The following RBFOX1 variants were observed in gnomAD, a reference collection of about 807,000 sequenced individuals.
RBFOX1 encodes the protein RNA binding protein fox-1 homolog 1.
RBFOX1 carries 8 observed loss-of-function variants against 57.7 expected under a neutral mutation model. The ratio of observed to expected loss-of-function variants is 0.14; its 90% confidence interval spans 0.08 to 0.25. RBFOX1 has a LOEUF of 0.25. Ranked by LOEUF, RBFOX1 falls within the 10% of genes least tolerant of loss-of-function variation. The pLI is 1.00. For missense variants in RBFOX1, 611 were observed against 548.5 expected (o/e 1.11, Z -1.14); for synonymous variants, 326 against 222.4 (o/e 1.47, Z -4.15).
rs2095529156 is a variant in RBFOX1 at position 7,280,950 on chromosome 16, TACCTACC to T, written c.27+228853_27+228859del. Among the ~76,000 whole-genome samples the T allele has an allele frequency of 5.9e-3, 696 of 117,606 alleles. 19 individuals carry two copies. The highest frequency in any genetic ancestry group is 0.02 in the African/African-American group (595 of 29,444). The allele number at this position is 117,606 out of a possible 152,430, so 77.2% of individuals were successfully genotyped here. On this transcript the variant is annotated intron_variant, in intron 4 of 15. Coordinates refer to ENST00000550418, the MANE Select transcript of RBFOX1 (RefSeq NM_018723.4). ...CTTGAATCAATTGCATGTGATTCCC[TACCTACC>T]TCCCTCCCTCCCTCCCTCCCTCCCT...
intron 2 of RBFOX1, among the ~76,000 whole-genome samples, chr16:6,385,890 CA>C (rs1251609108): frequency 6.6e-6 from 1 of 151,716 alleles, no homozygotes; most frequent in African/African-American, 2.4e-5. Flanking sequence ...ACAGCTTCCC[CA>C]ACATTAGTGT....
chr16:7,069,155 G>A (rs1165069578), intron 4 of RBFOX1, among the ~76,000 whole-genome samples: 2 of 72,562 alleles, frequency 2.8e-5, no homozygotes, highest in African/African-American at 7.6e-5. Flanking sequence ...AAACACCTAT[G>A]AACCTATATA....
At chr16:6,401,655 G>A (rs1016002891) in intron 2 of RBFOX1, among the ~76,000 whole-genome samples, 4 of 152,150 alleles carry the variant, frequency 2.6e-5, no homozygotes, top group Non-Finnish European at 5.9e-5. Flanking sequence ...CAAATCCCTT[G>A]TATAATGGAA....
intron 4 of RBFOX1, among the ~76,000 whole-genome samples, chr16:7,136,097 C>A (rs1324563079): frequency 6.6e-6 from 1 of 152,106 alleles, no homozygotes; most frequent in Non-Finnish European, 1.5e-5. Flanking sequence ...ACCTTGCAGG[C>A]AAGAATGTCA....
At chr16:7,512,177 G>C (rs563570816) in intron 4 of RBFOX1, among the ~76,000 whole-genome samples, 5 of 152,196 alleles carry the variant, frequency 3.3e-5, no homozygotes, top group African/African-American at 9.6e-5. Context: ...TGTCTAGCCA[G>C]AATGCTCCAA....
chr16:5,739,607 G>C (rs1413410351), intron 3 of RBFOX1, among the ~76,000 whole-genome samples: 1 of 152,174 alleles, frequency 6.6e-6, no homozygotes, highest in Non-Finnish European at 1.5e-5. Context: ...GAAAATTGAG[G>C]TATTTTGCAG....
intron 4 of RBFOX1, among the ~76,000 whole-genome samples, chr16:7,456,819 C>G (rs543926749): frequency 6.6e-6 from 1 of 152,138 alleles, no homozygotes; most frequent in African/African-American, 2.4e-5. Context: ...AAGCCCTGAG[C>G]CCTGGAGCAG....
At chr16:7,443,253 G>C (rs994614305) in intron 4 of RBFOX1, among the ~76,000 whole-genome samples, 1 of 151,788 alleles carries the variant, frequency 6.6e-6, no homozygotes, top group Non-Finnish European at 1.5e-5. Flanking sequence ...TCTCCAGTTT[G>C]ATTCATATAC....
chr16:6,228,012 A>G (rs1371573743), intron 1 of RBFOX1, among the ~76,000 whole-genome samples: 2 of 152,186 alleles, frequency 1.3e-5, no homozygotes, highest in Non-Finnish European at 2.9e-5. Flanking sequence ...AGCACTATTC[A>G]AACTAGCCAG....
intron 2 of RBFOX1, among the ~76,000 whole-genome samples, chr16:6,388,494 A>G (rs1262785382): frequency 6.6e-6 from 1 of 152,128 alleles, no homozygotes; most frequent in Non-Finnish European, 1.5e-5. Context: ...ATTTTTAATT[A>G]ATTTGTCTTT....
chr16:7,042,664 G>A (rs375138081), intron 3 of RBFOX1, among the ~76,000 whole-genome samples: 3 of 152,196 alleles, frequency 2.0e-5, no homozygotes, highest in African/African-American at 4.8e-5. Flanking sequence ...AGTGGCTTGC[G>A]CCTGTAATGC....
At chr16:6,179,322 G>C (rs537023123) in intron 1 of RBFOX1, among the ~76,000 whole-genome samples, 1 of 152,162 alleles carries the variant, frequency 6.6e-6, no homozygotes, top group South Asian at 2.1e-4. Flanking sequence ...TAGAAGGCTG[G>C]ATCTCAGTTC....
chr16:5,553,722 CAT>C (rs1567223609), intron 2 of RBFOX1, among the ~76,000 whole-genome samples: 3 of 82,126 alleles, frequency 3.7e-5, no homozygotes, highest in African/African-American at 9.6e-5. Context: ...TGTATATACA[CAT>C]ATATATGTAT....
chr16:6,637,978 C>G (rs1330064751), intron 2 of RBFOX1, among the ~76,000 whole-genome samples: 4 of 151,990 alleles, frequency 2.6e-5, no homozygotes, highest in Non-Finnish European at 5.9e-5. Context: ...TTTTCAACAC[C>G]CAACATTTAG....
chr16:7,030,493 C>T (rs1293175564), intron 3 of RBFOX1, among the ~76,000 whole-genome samples: 1 of 152,144 alleles, frequency 6.6e-6, no homozygotes, highest in Non-Finnish European at 1.5e-5. Flanking sequence ...CTTCTCCCAC[C>T]TTCCAGTGGC....
At chr16:6,524,113 C>G (rs939454546) in intron 2 of RBFOX1, among the ~76,000 whole-genome samples, 3 of 152,100 alleles carry the variant, frequency 2.0e-5, no homozygotes, top group Non-Finnish European at 2.9e-5. Context: ...ATTTCATGTA[C>G]CCATTAACCA....
At chr16:6,862,101 G>A (rs911923503) in intron 3 of RBFOX1, among the ~76,000 whole-genome samples, 1 of 152,094 alleles carries the variant, frequency 6.6e-6, no homozygotes, top group African/African-American at 2.4e-5. Context: ...GGGCTGTGAG[G>A]GATACTTGGA....
chr16:6,573,359 T>G (rs935027333), intron 2 of RBFOX1, among the ~76,000 whole-genome samples: 1 of 152,154 alleles, frequency 6.6e-6, no homozygotes, highest in African/African-American at 2.4e-5. Context: ...GGACTGTCTT[T>G]CTCTCAGCTC....
At chr16:6,451,009 G>C (rs932853056) in intron 2 of RBFOX1, among the ~76,000 whole-genome samples, 1 of 149,342 alleles carries the variant, frequency 6.7e-6, no homozygotes, top group African/African-American at 2.5e-5. Context: ...AGTGGGTACT[G>C]CCATAAATAG....
Sources: allele counts gnomAD v4.1 joint callset (sites outside exome capture counted in the v4.1 genomes callset), GRCh38; gene constraint gnomAD v4.1.1; transcripts MANE v1.5; gene names NCBI Gene and HGNC (gene_info 2026-07-23, HGNC 2026-07-21).